The following FAM76B variants were observed in gnomAD, a reference collection of about 807,000 sequenced individuals.
The protein encoded by FAM76B is family with sequence similarity 76 member B, also known as protein FAM76B.
Under a neutral mutation model 51.8 loss-of-function variants are expected in FAM76B, and 16 were observed. The observed-to-expected ratio is 0.31, with a 90% CI of 0.21 to 0.47. FAM76B has a LOEUF of 0.47. Among genes scored for constraint, FAM76B ranks in the 20% least tolerant of loss-of-function variants. The pLI is 1.00. For missense variants in FAM76B, 342 were observed against 392.6 expected (o/e 0.87, Z 1.09); for synonymous variants, 166 against 129.5 (o/e 1.28, Z -1.91).
intron 4 of FAM76B, among the ~76,000 whole-genome samples, chr11:95,785,232 G>A (rs978578181): frequency 1.1e-4 from 17 of 152,200 alleles, no homozygotes; most frequent in African/African-American, 3.9e-4. Flanking sequence ...AGGCACGTAT[G>A]TACAGGAGAA....
In FAM76B at chr11:95,771,306, C is replaced by T. The variant is rs1591004975; in HGVS notation, c.*255G>A. On this transcript the variant is annotated 3_prime_UTR_variant, in exon 10 of 10. Coordinates refer to ENST00000358780, the MANE Select transcript of FAM76B (RefSeq NM_144664.5). ...GCACTACTCATGCACTCCTTTACAA[C>T]TGTTTAATACTATTGCTGGCAAAAA... is the stretch of plus-strand genomic sequence containing the variant. 2 of 330,964 alleles carry T rather than the reference C, an allele frequency of 6.0e-6. No individual in the cohort carries two copies. The highest frequency in any genetic ancestry group is 1.4e-4 in the East Asian group (2 of 14,452). The allele number at this position is 330,964 out of a possible 1,614,324, so 20.5% of individuals were successfully genotyped here.
Position 95,779,915 on chromosome 11 carries a change from A to C in FAM76B, c.575T>G (p.Leu192Arg), listed in dbSNP as rs1349368229. 6.2e-7 allele frequency: 1 copy of C among 1,604,588 alleles called. No homozygotes were observed. Among genetic ancestry groups the C allele is most frequent in the Non-Finnish European group, 8.5e-7 (1 of 1,176,126 alleles). Residue 192 changes from leucine (L) to arginine (R), a missense_variant, in exon 6 of 10, where the codon CTA becomes CGA. This residue lies in a region of FAM76B where 230 missense variants were observed against 257.4 expected (regional missense o/e 0.89). Coordinates refer to ENST00000358780, the MANE Select transcript of FAM76B (RefSeq NM_144664.5). ...HSSSHHKISN[L>R]SPEEEQGLWK... ...CAGTCCCTGCTCTTCTTCTGGACTT[A>C]GATTGCTGATTCTGAAAAATACACA...
rs1859984173 is a variant in FAM76B, at chr11:95,775,917, G to A, written c.930+5C>T. ...CTATCATTTTACGTAAATGATGGTA[G>A]TTACCTGAAGTTGTTCCACAGTTTC... On this transcript the variant is annotated splice_donor_5th_base_variant and intron_variant, in intron 9 of 9. Transcript: ENST00000358780. The A allele has an allele frequency of 3.9e-6, 6 of 1,540,814 alleles. No homozygotes were observed. The highest frequency in any genetic ancestry group is 5.2e-6 in the Non-Finnish European group (6 of 1,143,082).
chr11:95,778,918 G>T lies in FAM76B; in HGVS notation c.732C>A (p.Asp244Glu), dbSNP rs769737691. Residue 244 changes from aspartate (D) to glutamate (E), a missense_variant, in exon 8 of 10, where the codon GAC (aspartate) becomes GAA (glutamate). This residue lies in a region of FAM76B where 230 missense variants were observed against 257.4 expected (regional missense o/e 0.89). Coordinates refer to ENST00000358780, the MANE Select transcript of FAM76B (RefSeq NM_144664.5). ...TCAATTGACTTATAAGGACAAAATT[G>T]TCTGTTCCCCCACTATCTGCTGACT... Reference protein sequence around the residue: ...INQSADSGGTDNFVLISQLKE... With the variant: ...INQSADSGGTENFVLISQLKE... The T allele has an allele frequency of 1.9e-6, 3 of 1,610,652 alleles. No individual in the cohort carries two copies. The highest frequency in any genetic ancestry group is 1.3e-5 in the African/African-American group (1 of 74,718).
chr11:95,776,094 T>C (rs1859994410), intron 8 of FAM76B, 71 bp from the exon 9 acceptor site: 20 of 806,866 alleles, frequency 2.5e-5, no homozygotes, highest in Non-Finnish European at 3.6e-5. Flanking sequence ...TAAATAACTT[T>C]CACAATAAAC....
At chr11:95,785,533 T>C (rs889292507) in intron 4 of FAM76B, among the ~76,000 whole-genome samples, 1 of 152,226 alleles carries the variant, frequency 6.6e-6, no homozygotes, top group Non-Finnish European at 1.5e-5. Context: ...ACATGTCTTA[T>C]AATGGGATAT....
At chr11:95,772,994 T>C (rs1859836793) in intron 9 of FAM76B, among the ~76,000 whole-genome samples, 1 of 151,120 alleles carries the variant, frequency 6.6e-6, no homozygotes, top group South Asian at 2.1e-4. Context: ...CAATTTCAAA[T>C]TCAGTATCAA....
At chr11:95,788,083 G>A (rs181924909) in intron 2 of FAM76B, among the ~76,000 whole-genome samples, 4 of 152,278 alleles carry the variant, frequency 2.6e-5, no homozygotes, top group Non-Finnish European at 4.4e-5. Context: ...TATACTCTCA[G>A]AGTGGAACTG....
At chr11:95,784,085 T>C (rs1391431147) in intron 4 of FAM76B, among the ~76,000 whole-genome samples, 1 of 152,160 alleles carries the variant, frequency 6.6e-6, no homozygotes, top group African/African-American at 2.4e-5. Flanking sequence ...GGTACGTATA[T>C]ACCATGGAAT....
chr11:95,788,217 T>G (rs1224716201), intron 2 of FAM76B, among the ~76,000 whole-genome samples: 1 of 152,214 alleles, frequency 6.6e-6, no homozygotes, highest in Non-Finnish European at 1.5e-5. Flanking sequence ...TTTTTTTTAG[T>G]TTAACATAAC....
At chr11:95,786,024 T>A in intron 4 of FAM76B, 95 bp downstream of exon 4, 21 of 1,443,846 alleles carry the variant, frequency 1.5e-5, no homozygotes, top group Non-Finnish European at 2.0e-5. Flanking sequence ...ACCTAAAGAA[T>A]AGATCCAGTC....
intron 9 of FAM76B, among the ~76,000 whole-genome samples, chr11:95,772,879 CTATCT>C (rs1859831940): frequency 1.3e-5 from 2 of 151,212 alleles, no homozygotes; most frequent in East Asian, 3.9e-4. Context: ...ATTCTCAGTA[CTATCT>C]TATATGTGCA....
chr11:95,772,747 C>A (rs1214205056), intron 9 of FAM76B, among the ~76,000 whole-genome samples: 1 of 151,036 alleles, frequency 6.6e-6, no homozygotes, highest in African/African-American at 2.4e-5. Flanking sequence ...TCTGCCTTCT[C>A]TGTATGCCAT....
At chr11:95,786,402 T>G (rs1860591477) in intron 3 of FAM76B, 128 bp from the exon 4 acceptor site, 2 of 1,062,834 alleles carry the variant, frequency 1.9e-6, no homozygotes, top group African/African-American at 3.2e-5. Context: ...TCTGTCAAGT[T>G]TGTTGCCCTG....
chr11:95,775,897 AT>A, intron 9 of FAM76B, 24 bp downstream of exon 9: 1 of 1,485,482 alleles, frequency 6.7e-7, no homozygotes, highest in Non-Finnish European at 9.1e-7. Context: ...CTTGCCTATC[AT>A]TTTACGTAAA....
At position 95,788,450 on chromosome 11, in the gene FAM76B, T is replaced by C. The variant is rs749503875; in HGVS notation, c.152+49A>G. On this transcript the variant is annotated intron_variant, in intron 2 of 9. Coordinates refer to ENST00000358780, the MANE Select transcript of FAM76B (RefSeq NM_144664.5). ...GGGATTACAACCCCCAAGTATTCCA[T>C]AAAGACAACACTTGTCTTTAACAGT... 17 of 1,429,336 alleles carry C rather than the reference T, an allele frequency of 1.2e-5. No individual in the cohort carries two copies. In the South Asian group the frequency reaches 1.6e-4, roughly 14 times the overall value. 88.5% of individuals were successfully genotyped at this position (1,429,336 alleles called of 1,614,324 possible). A position where few individuals can be genotyped will look rare whatever the true frequency, so the allele number is the denominator to read the frequency against.
intron 2 of FAM76B, 88 bp from the exon 3 acceptor site, chr11:95,787,766 T>C (rs772125576): frequency 2.6e-6 from 3 of 1,167,402 alleles, no homozygotes; most frequent in Non-Finnish European, 3.7e-6. Flanking sequence ...CAAAGATTTG[T>C]TGTACTTAAA....
intron 9 of FAM76B, among the ~76,000 whole-genome samples, chr11:95,773,095 A>AAAT: frequency 6.7e-6 from 1 of 149,502 alleles, no homozygotes; most frequent in African/African-American, 2.4e-5. Flanking sequence ...TACTGATACA[A>AAAT]AATAGTTAAA....
intron 7 of FAM76B, chr11:95,779,231 T>C (rs1251588580): frequency 2.1e-5 from 23 of 1,120,380 alleles, no homozygotes; most frequent in Admixed American, 1.1e-4. Context: ...CAGCAAACTT[T>C]TGGCTAATGA....
Sources: gnomAD v4.1 joint callset for allele counts (sites outside exome capture counted in the v4.1 genomes callset) on GRCh38, gnomAD v4.1.1 for gene constraint, gnomAD v4.1.1 regional missense constraint, MANE v1.5 for transcripts, NCBI Gene and HGNC (gene_info 2026-07-23, HGNC 2026-07-21) for gene names.